Variants in HOMER2 observed in about 807,000 individuals in gnomAD.
HOMER2 encodes homer scaffold protein 2, also known as homer protein homolog 2.
Under a neutral mutation model 47.0 loss-of-function variants are expected in HOMER2, and 27 were observed. The observed-to-expected ratio is 0.57, with a 90% CI of 0.42 to 0.79. The LOEUF (loss-of-function observed/expected upper bound fraction) is 0.79. Among genes scored for constraint, HOMER2 ranks in the 30% least tolerant of loss-of-function variants. HOMER2 has a pLI of 0.00. For synonymous variants in HOMER2, 161 were observed against 163.8 expected, an observed-to-expected ratio of 0.98 and a Z score of 0.13; for missense variants, 443 against 435.0, an observed-to-expected ratio of 1.02 and a Z score of -0.16.
intron 5 of HOMER2, among the ~76,000 whole-genome samples, chr15:82,855,037 A>G (rs1182661352): frequency 6.6e-6 from 1 of 152,124 alleles, no homozygotes; most frequent in Non-Finnish European, 1.5e-5. Flanking sequence ...ATCACCTTAG[A>G]AGAGAACACA....
intron 1 of HOMER2, among the ~76,000 whole-genome samples, chr15:82,931,645 T>A (rs1294865754): frequency 6.6e-6 from 1 of 151,340 alleles, no homozygotes; most frequent in Non-Finnish European, 1.5e-5. Flanking sequence ...GAGACCATCC[T>A]GGCTAACACG....
intron 1 of HOMER2, among the ~76,000 whole-genome samples, chr15:82,971,105 C>G (rs1321889499): frequency 1.3e-5 from 2 of 152,176 alleles, no homozygotes; most frequent in African/African-American, 4.8e-5. Flanking sequence ...AATTAATACA[C>G]GGGCACCTGT....
intron 1 of HOMER2, among the ~76,000 whole-genome samples, chr15:82,907,856 A>T (rs540229218): frequency 3.3e-5 from 5 of 152,370 alleles, no homozygotes; most frequent in Non-Finnish European, 5.9e-5. Flanking sequence ...TCAAATGTTC[A>T]TCAACAGATG....
At chr15:82,972,843 G>A (rs1283033684) in intron 1 of HOMER2, among the ~76,000 whole-genome samples, 1 of 152,194 alleles carries the variant, frequency 6.6e-6, no homozygotes, top group Non-Finnish European at 1.5e-5. Flanking sequence ...TTTATATGGA[G>A]GTAAAAGTTG....
intron 1 of HOMER2, among the ~76,000 whole-genome samples, chr15:82,918,634 T>C (rs572813038): frequency 6.6e-6 from 1 of 152,272 alleles, no homozygotes; most frequent in South Asian, 2.1e-4. Context: ...GTGTCTCTCC[T>C]GAACCCCATG....
intron 3 of HOMER2, among the ~76,000 whole-genome samples, chr15:82,873,979 A>C (rs2052262443): frequency 6.6e-6 from 1 of 152,204 alleles, no homozygotes; most frequent in Admixed American, 6.5e-5. Flanking sequence ...CTGCTGTGGG[A>C]GGCTTCCTGA....
rs375278051 is a variant in HOMER2, at chr15:82,849,692, C to T, written c.*23G>A. 3.6e-4 allele frequency: 583 copies of T among 1,603,004 alleles called. No individual in the cohort carries two copies. The highest frequency in any genetic ancestry group is 4.6e-4 in the Non-Finnish European group (535 of 1,174,634). ...CGCACACACGCTTGGGACTCACGGG[C>T]GGGGCCTGGGCCTCGGCCAGCCCTA... On this transcript the variant is annotated 3_prime_UTR_variant, in exon 9 of 9. Transcript: ENST00000450735.
chr15:82,968,165 G>T (rs2054692713), intron 1 of HOMER2, among the ~76,000 whole-genome samples: 1 of 152,142 alleles, frequency 6.6e-6, no homozygotes, highest in Non-Finnish European at 1.5e-5. Flanking sequence ...GCTTCCCAAA[G>T]TGCTGGGATT....
At chr15:82,941,637 C>A (rs530607124) in intron 1 of HOMER2, among the ~76,000 whole-genome samples, 64 of 151,766 alleles carry the variant, frequency 4.2e-4, no homozygotes, top group Non-Finnish European at 7.9e-4. Context: ...AACACCAGGA[C>A]AAGCTGCTCC....
At chr15:82,900,813 C>A (rs1270822308) in intron 1 of HOMER2, among the ~76,000 whole-genome samples, 1 of 152,168 alleles carries the variant, frequency 6.6e-6, no homozygotes, top group Non-Finnish European at 1.5e-5. Context: ...GTCACAGCTG[C>A]CCCATTCTAT....
At chr15:82,954,439 A>C (rs2054565311), upstream of HOMER2, among the ~76,000 whole-genome samples, 1 of 149,024 alleles carries the variant, frequency 6.7e-6, no homozygotes, top group South Asian at 2.1e-4. Flanking sequence ...CTGCGACTGC[A>C]GGCGCATGCC....
At chr15:82,864,051 A>C in intron 4 of HOMER2, 116 bp downstream of exon 4, 1 of 621,782 alleles carries the variant, frequency 1.6e-6, no homozygotes, top group Non-Finnish European at 2.8e-6. Flanking sequence ...AATAGTTGAA[A>C]AAGCCTTCAA....
At chr15:82,874,863 C>T (rs573979528) in intron 3 of HOMER2, among the ~76,000 whole-genome samples, 15 of 152,334 alleles carry the variant, frequency 9.8e-5, no homozygotes, top group African/African-American at 3.4e-4. Flanking sequence ...TCTATAGTAA[C>T]AACCCTCCGA....
chr15:82,948,144 C>T (rs2054422177), intron 1 of HOMER2, among the ~76,000 whole-genome samples: 1 of 151,848 alleles, frequency 6.6e-6, no homozygotes, highest in African/African-American at 2.4e-5. Flanking sequence ...GTAATCCCAG[C>T]ACTTTGGGAG....
At chr15:82,857,557 A>C (rs2051629961) in intron 5 of HOMER2, among the ~76,000 whole-genome samples, 1 of 150,024 alleles carries the variant, frequency 6.7e-6, no homozygotes, top group Non-Finnish European at 1.5e-5. Flanking sequence ...CAGCCTCCTG[A>C]GTAGCTGGGA....
At chr15:82,856,842 G>A (rs113127971) in intron 5 of HOMER2, among the ~76,000 whole-genome samples, 168 of 152,298 alleles carry the variant, frequency 1.1e-3, no homozygotes, top group African/African-American at 3.9e-3. Context: ...GGCTCTGGCT[G>A]TGGAAGGGGA....
At chr15:82,984,035 A>AT (rs1314984974) in intron 1 of HOMER2, among the ~76,000 whole-genome samples, 21,556 of 145,530 alleles carry the variant, frequency 0.15, 1,736 homozygotes, top group Admixed American at 0.16. Flanking sequence ...TATTATTATT[A>AT]TTTTTTTTTT....
intron 4 of HOMER2, among the ~76,000 whole-genome samples, chr15:82,863,050 T>C (rs2051845424): frequency 6.6e-6 from 1 of 151,986 alleles, no homozygotes. Context: ...TGCCCTCCTC[T>C]CTCCACTGCT....
At chr15:82,947,975 C>A (rs2054419218) in intron 1 of HOMER2, among the ~76,000 whole-genome samples, 2 of 152,296 alleles carry the variant, frequency 1.3e-5, no homozygotes, top group African/African-American at 4.8e-5. Flanking sequence ...TTATAGGAAA[C>A]AAAGGTAGGG....
Sources: gnomAD v4.1 joint callset for allele counts (sites outside exome capture counted in the v4.1 genomes callset) on GRCh38, gnomAD v4.1.1 for gene constraint, MANE v1.5 for transcripts, NCBI Gene and HGNC (gene_info 2026-07-23, HGNC 2026-07-21) for gene names.